The following ATP2C2 variants were observed in gnomAD, a reference collection of about 807,000 sequenced individuals.
ATP2C2 encodes calcium-transporting ATPase type 2C member 2.
Under a neutral mutation model 110.8 loss-of-function variants are expected in ATP2C2, and 171 were observed. That is an observed-to-expected ratio of 1.54 (90% CI 1.36 to 1.75). The LOEUF (loss-of-function observed/expected upper bound fraction) is 1.75, where lower values mean the gene tolerates loss of function less well. Ranked by LOEUF, ATP2C2 falls within the 40% of genes most tolerant of loss-of-function variation. The pLI is 0.00. For synonymous variants in ATP2C2, 804 were observed against 508.4 expected, an observed-to-expected ratio of 1.58 and a Z score of -7.82; for missense variants, 1,963 against 1,235.0, an observed-to-expected ratio of 1.59 and a Z score of -8.84.
In ATP2C2 at chr16:84,412,392, CTGTGTGTGTCTGTGCATGTGTCTGTG is replaced by C. The variant is rs1320786715; in HGVS notation, c.515+1629_515+1654del. Among the ~76,000 whole-genome samples, 57 of 125,714 alleles carry C rather than the reference CTGTGTGTGTCTGTGCATGTGTCTGTG, an allele frequency of 4.5e-4. No homozygotes were observed. The South Asian group carries it at 5.6e-3, about 12-fold the overall frequency. The allele number at this position is 125,714 out of a possible 152,430, so 82.5% of individuals were successfully genotyped here. ...TGTGTGTGCGTGTGTGTATATGTGT[CTGTGTGTGTCTGTGCATGTGTCTGTG>C]TATGTGTGTGCGTGTGTGTATGCAT... On this transcript the variant is annotated intron_variant, in intron 6 of 26. Transcript: ENST00000262429.
At chr16:84,408,801 G>T (rs960109187) in intron 4 of ATP2C2, among the ~76,000 whole-genome samples, 3 of 151,956 alleles carry the variant, frequency 2.0e-5, no homozygotes, top group Non-Finnish European at 2.9e-5. Flanking sequence ...GTGCACATTT[G>T]CCTTCCGAAG....
intron 21 of ATP2C2, among the ~76,000 whole-genome samples, chr16:84,458,793 G>A (rs924757425): frequency 6.6e-6 from 1 of 152,142 alleles, no homozygotes; most frequent in Non-Finnish European, 1.5e-5. Context: ...GGAGATGCAC[G>A]GCGCACTTCG....
At chr16:84,451,076 A>G (rs2150581401) in intron 17 of ATP2C2, among the ~76,000 whole-genome samples, 1 of 152,286 alleles carries the variant, frequency 6.6e-6, no homozygotes, top group Middle Eastern at 3.4e-3. Flanking sequence ...ACAAAGAAAA[A>G]GAGGTTGAAT....
chr16:84,415,073 C>T (rs1177915664), intron 6 of ATP2C2, among the ~76,000 whole-genome samples: 1 of 152,102 alleles, frequency 6.6e-6, no homozygotes, highest in Non-Finnish European at 1.5e-5. Context: ...CCTGGGCTTC[C>T]TCCCAGCTGT....
In ATP2C2 at chr16:84,454,817, G is replaced by C. The variant is rs7206343; in HGVS notation, c.1981-1G>C. 40 of 1,587,356 alleles carry C rather than the reference G, an allele frequency of 2.5e-5. No homozygotes were observed. In the African/African-American group the frequency reaches 5.0e-4, roughly 20 times the overall value. On this transcript the variant is annotated splice_acceptor_variant, in intron 20 of 26. Transcript: ENST00000262429. LOFTEE classifies it high-confidence loss of function. ...GCCTTCATTGCCTGCTCTTTCCAAAGGCTCTGCAGGAGTCAGGGGCGATCG... is the reference window on the plus strand; with the variant it reads ...GCCTTCATTGCCTGCTCTTTCCAAACGCTCTGCAGGAGTCAGGGGCGATCG...
chr16:84,405,279 G>A, intron 3 of ATP2C2, 35 bp downstream of exon 3: 1 of 1,549,078 alleles, frequency 6.5e-7, no homozygotes, highest in Non-Finnish European at 8.9e-7. Flanking sequence ...GCATTAACAT[G>A]CATAAGCCAG....
intron 21 of ATP2C2, among the ~76,000 whole-genome samples, chr16:84,458,376 G>C (rs1487129540): frequency 2.9e-4 from 38 of 130,506 alleles, no homozygotes; most frequent in African/African-American, 1.1e-3. Flanking sequence ...GGATAGCATC[G>C]GGAGATATAC....
chr16:84,401,188 T>A (rs1159280412), intron 2 of ATP2C2, among the ~76,000 whole-genome samples: 1 of 151,482 alleles, frequency 6.6e-6, no homozygotes, highest in East Asian at 1.9e-4. Context: ...CTTGATAGTT[T>A]CATAGTCTGT....
chr16:84,453,361 A>T lies in ATP2C2; in HGVS notation c.1970A>T (p.Lys657Ile). 2 of 1,614,120 alleles carry T rather than the reference A, an allele frequency of 1.2e-6. No individual in the cohort carries two copies. The highest frequency in any genetic ancestry group is 2.7e-5 in the African/African-American group (2 of 75,034). The change falls in exon 20 of 27, where the codon AAA becomes ATA. Residue 657 changes from lysine to isoleucine, a missense_variant. Transcript: ENST00000262429. ...AGGACCAGCCCAAAGCACAAGCTCAAAATCATCAAGGTTCGCTGGGCAAGG... is the reference window on the plus strand; with the variant it reads ...AGGACCAGCCCAAAGCACAAGCTCATAATCATCAAGGTTCGCTGGGCAAGG... ...FFRTSPKHKLKIIKALQESGA... is the reference protein window; with the variant it reads ...FFRTSPKHKLIIIKALQESGA...
At chr16:84,416,466 C>G (rs983265735) in intron 7 of ATP2C2, among the ~76,000 whole-genome samples, 1 of 152,182 alleles carries the variant, frequency 6.6e-6, no homozygotes, top group African/African-American at 2.4e-5. Flanking sequence ...GATCAAGGAC[C>G]CGCTATTAAG....
At chr16:84,440,164 G>A (rs1484499304) in intron 13 of ATP2C2, among the ~76,000 whole-genome samples, 1 of 152,204 alleles carries the variant, frequency 6.6e-6, no homozygotes, top group Non-Finnish European at 1.5e-5. Context: ...CCAGGGTCTT[G>A]CTGTGTCGCC....
rs1402397340 is a variant in ATP2C2 at position 84,462,218 on chromosome 16, G to A, written c.2722+89G>A. 1.7e-5 allele frequency: 26 copies of A among 1,528,284 alleles called. No homozygotes were observed. The South Asian group carries it at 2.9e-4, about 17-fold the overall frequency. The allele number at this position is 1,528,284 out of a possible 1,614,324, so 94.7% of individuals were successfully genotyped here. On this transcript the variant is annotated intron_variant, in intron 26 of 26. Transcript: ENST00000262429. ...AGGTGGGGAGCTGCAGCCCAGGAGG[G>A]GTCAGTGCGGGAAAGCAGAGCTCAC...
At chr16:84,443,066 G>C (rs967096634) in intron 15 of ATP2C2, among the ~76,000 whole-genome samples, 1 of 152,192 alleles carries the variant, frequency 6.6e-6, no homozygotes, top group South Asian at 2.1e-4. Context: ...CAGGTACCAA[G>C]TGGCTGCTTG....
intron 13 of ATP2C2, among the ~76,000 whole-genome samples, chr16:84,440,138 T>C (rs1909110978): frequency 6.6e-6 from 1 of 152,144 alleles, no homozygotes; most frequent in South Asian, 2.1e-4. Flanking sequence ...ACGCCCAGCC[T>C]GTTTTATTTT....
In ATP2C2 at chr16:84,390,581, C is replaced by T. The variant is rs575339039; in HGVS notation, c.100-7918C>T. 8.5e-5 allele frequency among the ~76,000 whole-genome samples: 13 copies of T among 152,246 alleles called. No homozygotes were observed. In the South Asian group the frequency reaches 2.3e-3, roughly 27 times the overall value. ...GGATGTGAAGTAGGCGGGACCGTGA[C>T]GTCCATAGAGACAGGAAGCAGATGA... On this transcript the variant is annotated intron_variant, in intron 1 of 26. Transcript: ENST00000262429.
chr16:84,433,805 A>G (rs1422087738), intron 11 of ATP2C2, among the ~76,000 whole-genome samples: 1 of 152,180 alleles, frequency 6.6e-6, no homozygotes, highest in Non-Finnish European at 1.5e-5. Context: ...GAAAAAGCAA[A>G]AAAGGCTTCT....
intron 11 of ATP2C2, among the ~76,000 whole-genome samples, chr16:84,436,329 C>T (rs1334918093): frequency 6.6e-6 from 1 of 152,180 alleles, no homozygotes; most frequent in Non-Finnish European, 1.5e-5. Flanking sequence ...TTGGTGGTGG[C>T]TCTTTGTTTA....
intron 10 of ATP2C2, among the ~76,000 whole-genome samples, 161 bp from the exon 11 acceptor site, chr16:84,425,574 C>T (rs112373266): frequency 0.016 from 2,447 of 152,246 alleles, 77 homozygotes; most frequent in African/African-American, 0.057. Context: ...AACGTATCTC[C>T]CTTAGAAAAG....
intron 14 of ATP2C2, among the ~76,000 whole-genome samples, chr16:84,442,063 G>C (rs987774016): frequency 1.3e-5 from 2 of 152,008 alleles, no homozygotes; most frequent in Admixed American, 6.5e-5. Flanking sequence ...CACTCTTTTT[G>C]CTTGTCTCTT....
Sources: allele counts gnomAD v4.1 joint callset (sites outside exome capture counted in the v4.1 genomes callset), GRCh38; gene constraint gnomAD v4.1.1; transcripts MANE v1.5; gene names NCBI Gene and HGNC (gene_info 2026-07-23, HGNC 2026-07-21).